The following ADAMTS5 variants were observed in gnomAD, a reference collection of about 807,000 sequenced individuals.
ADAMTS5 encodes ADAM metallopeptidase with thrombospondin type 1 motif 5.
ADAMTS5 carries 54 observed loss-of-function variants against 81.4 expected under a neutral mutation model. The observed-to-expected ratio is 0.66, with a 90% CI of 0.53 to 0.83. The LOEUF is 0.83. Among genes scored for constraint, ADAMTS5 ranks in the 40% least tolerant of loss-of-function variants. The pLI, the probability that ADAMTS5 is intolerant of heterozygous loss-of-function variation, is 0.00. For missense variants in ADAMTS5, 1,194 were observed against 1,229.9 expected, an observed-to-expected ratio of 0.97 and a Z score of 0.44; for synonymous variants, 532 against 508.8, an observed-to-expected ratio of 1.05 and a Z score of -0.61.
At chr21:26,932,466 G>A (rs1986929043) in intron 5 of ADAMTS5, among the ~76,000 whole-genome samples, 1 of 152,052 alleles carries the variant, frequency 6.6e-6, no homozygotes, top group African/African-American at 2.4e-5. Context: ...GGCCGAGGAG[G>A]GTGGATCACA....
intron 6 of ADAMTS5, among the ~76,000 whole-genome samples, chr21:26,930,748 C>T (rs1986892225): frequency 6.6e-6 from 1 of 151,880 alleles, no homozygotes; most frequent in Non-Finnish European, 1.5e-5. Context: ...TATATACACT[C>T]ATATATATAA....
intron 1 of ADAMTS5, 36 bp downstream of exon 1, chr21:26,965,252 T>C (rs1486908010): frequency 6.4e-7 from 1 of 1,574,650 alleles, no homozygotes; most frequent in Non-Finnish European, 8.6e-7. Context: ...CCTCCTGATA[T>C]CAGCGCTGGG....
intron 1 of ADAMTS5, among the ~76,000 whole-genome samples, chr21:26,956,533 G>C (rs540926058): frequency 1.3e-5 from 2 of 152,228 alleles, no homozygotes; most frequent in East Asian, 1.9e-4. Context: ...ATCAGTCTTT[G>C]AGATAATAAT....
intron 2 of ADAMTS5, among the ~76,000 whole-genome samples, chr21:26,943,887 A>G (rs13046991): frequency 0.18 from 27,768 of 152,116 alleles, 3,248 homozygotes; most frequent in Non-Finnish European, 0.25. Flanking sequence ...AGCCCTCACC[A>G]CGTATCATTT....
At position 26,929,921 on chromosome 21, in the gene ADAMTS5, G is replaced by C. The variant is rs1382422790; in HGVS notation, c.2190C>G (p.Ser730Arg). Residue 730 changes from serine (S) to arginine (R), a missense_variant, in exon 7 of 8, where the codon AGC (serine) becomes AGG (arginine). Coordinates refer to ENST00000284987, the MANE Select transcript of ADAMTS5 (RefSeq NM_007038.5). Reference sequence around the variant, plus strand: ...TAAAGGTTCCAACAATCTTTGTACAGCTGGAGTTGTCTCCTCCACATACTC... The same window carrying C: ...TAAAGGTTCCAACAATCTTTGTACACCTGGAGTTGTCTCCTCCACATACTC... ...KCGVCGGDNS[S>R]CTKIVGTFNK... 4 of 1,613,846 alleles carry C rather than the reference G, an allele frequency of 2.5e-6. No individual in the cohort carries two copies. The African/African-American group carries it at 4.0e-5, about 16-fold the overall frequency.
In ADAMTS5 at chr21:26,927,995, C is replaced by G. The variant is rs146745535; in HGVS notation, c.2225+1891G>C. On this transcript the variant is annotated intron_variant, in intron 7 of 7. Coordinates refer to ENST00000284987, the MANE Select transcript of ADAMTS5 (RefSeq NM_007038.5). ...AGTAGAAAGACTGAGTTGCCATTTACTGAGATGAGGAAAACTGAGGGAGGA... is the reference window on the plus strand; with the variant it reads ...AGTAGAAAGACTGAGTTGCCATTTAGTGAGATGAGGAAAACTGAGGGAGGA... 1.9e-3 allele frequency among the ~76,000 whole-genome samples: 291 copies of G among 152,070 alleles called. 24 individuals carry two copies. The South Asian group carries it at 0.048, about 25-fold the overall frequency.
chr21:26,923,787 G>T lies in ADAMTS5; in HGVS notation c.*266C>A. 1 of 376,196 alleles carries T rather than the reference G, an allele frequency of 2.7e-6. No individual in the cohort carries two copies. Among genetic ancestry groups the T allele is most frequent in the Non-Finnish European group, 4.8e-6 (1 of 206,910 alleles). The allele number at this position is 376,196 out of a possible 1,614,324, so 23.3% of individuals were successfully genotyped here. A position where few individuals can be genotyped will look rare whatever the true frequency, so the allele number is the denominator to read the frequency against. Reference sequence around the variant, plus strand: ...GTTCTGCCATCTTCAAATGTCCCCTGATTTTACATTCATCAGTGTTTCTTG... The same window carrying T: ...GTTCTGCCATCTTCAAATGTCCCCTTATTTTACATTCATCAGTGTTTCTTG... On this transcript the variant is annotated 3_prime_UTR_variant, in exon 8 of 8. Coordinates refer to ENST00000284987, the MANE Select transcript of ADAMTS5 (RefSeq NM_007038.5).
At position 26,924,127 on chromosome 21, in the gene ADAMTS5, G is replaced by T. The variant is rs760152877; in HGVS notation, c.2719C>A (p.Arg907=). 6 of 1,612,684 alleles carry T rather than the reference G, an allele frequency of 3.7e-6. No individual in the cohort carries two copies. Among genetic ancestry groups the T allele is most frequent in the Non-Finnish European group, 5.1e-6 (6 of 1,178,872 alleles). ...TRTVQCQDGN[R]KLAKGCPLSQ... Reference sequence around the variant, plus strand: ...AGAGGACATCCTTTTGCTAACTTCCGGTTTCCATCCTGGCACTGCACCGTT... The same window carrying T: ...AGAGGACATCCTTTTGCTAACTTCCTGTTTCCATCCTGGCACTGCACCGTT... Residue 907 remains arginine, a synonymous_variant, in exon 8 of 8, where the codon CGG becomes AGG. Coordinates refer to ENST00000284987, the MANE Select transcript of ADAMTS5 (RefSeq NM_007038.5).
At chr21:26,951,271 A>C (rs1987310774) in intron 2 of ADAMTS5, among the ~76,000 whole-genome samples, 1 of 152,162 alleles carries the variant, frequency 6.6e-6, no homozygotes, top group African/African-American at 2.4e-5. Context: ...AAGTAGAAAA[A>C]TTATGGGAAC....
intron 7 of ADAMTS5, among the ~76,000 whole-genome samples, chr21:26,929,555 T>C (rs1202376752): frequency 6.6e-6 from 1 of 152,168 alleles, no homozygotes; most frequent in Non-Finnish European, 1.5e-5. Context: ...TTCCCTAAAT[T>C]ATGTTTTAGG....
intron 1 of ADAMTS5, among the ~76,000 whole-genome samples, chr21:26,958,177 A>G (rs1017031775): frequency 1.3e-5 from 2 of 152,208 alleles, no homozygotes; most frequent in African/African-American, 4.8e-5. Context: ...TGCAGTGCAA[A>G]TACGCTGAGG....
chr21:26,941,629 G>T (rs1411329744), intron 3 of ADAMTS5, among the ~76,000 whole-genome samples: 2 of 152,064 alleles, frequency 1.3e-5, no homozygotes, highest in East Asian at 3.8e-4. Flanking sequence ...TCTCATTTTA[G>T]CCATAAGTAT....
In ADAMTS5 at chr21:26,918,364, C is replaced by G. The variant is rs229069; in HGVS notation, c.*5689G>C. The G allele has an allele frequency of 0.26, 39,117 of 152,238 alleles. 5,786 individuals are homozygous for G. The highest frequency in any genetic ancestry group is 0.34 in the Non-Finnish European group (22,756 of 67,816). 9.4% of individuals were successfully genotyped at this position (152,238 alleles called of 1,614,324 possible). A position where few individuals can be genotyped will look rare whatever the true frequency, so the allele number is the denominator to read the frequency against. ...TTCAAGGTTTAAAAATCTGTTATAC[C>G]TACTTAGGTTTATTACTTGACTTTA... On this transcript the variant is annotated 3_prime_UTR_variant, in exon 8 of 8. Coordinates refer to ENST00000284987, the MANE Select transcript of ADAMTS5 (RefSeq NM_007038.5).
chr21:26,955,986 A>G (rs1987419112), intron 1 of ADAMTS5, among the ~76,000 whole-genome samples: 1 of 152,192 alleles, frequency 6.6e-6, no homozygotes, highest in Non-Finnish European at 1.5e-5. Flanking sequence ...CAACTTCCAT[A>G]TTCTCCAGCT....
intron 6 of ADAMTS5, among the ~76,000 whole-genome samples, chr21:26,931,005 T>G (rs1986897413): frequency 6.6e-6 from 1 of 152,168 alleles, no homozygotes; most frequent in Non-Finnish European, 1.5e-5. Context: ...GACATTAGCT[T>G]GTTTTTCAAT....
At chr21:26,926,979 G>A (rs979219460) in intron 7 of ADAMTS5, among the ~76,000 whole-genome samples, 4 of 152,116 alleles carry the variant, frequency 2.6e-5, no homozygotes, top group African/African-American at 9.7e-5. Flanking sequence ...TAGTAAACCT[G>A]AGTATTAGTG....
At chr21:26,964,803 AG>A (rs1987604629) in intron 1 of ADAMTS5, among the ~76,000 whole-genome samples, 1 of 152,228 alleles carries the variant, frequency 6.6e-6, no homozygotes. Flanking sequence ...TCTAGTAAAA[AG>A]GTGTGGACAC....
At chr21:26,946,521 A>C (rs1198111112) in intron 2 of ADAMTS5, among the ~76,000 whole-genome samples, 1 of 152,150 alleles carries the variant, frequency 6.6e-6, no homozygotes. Flanking sequence ...CTTTGAAGAC[A>C]TCTGCCTTTT....
In ADAMTS5 at chr21:26,936,694, A is replaced by G. The variant is rs1001023388; in HGVS notation, c.1406-1945T>C. Among the ~76,000 whole-genome samples, 3 of 152,342 alleles carry G rather than the reference A, an allele frequency of 2.0e-5. 1 individual carries two copies. In the South Asian group the frequency reaches 6.2e-4, roughly 32 times the overall value. ...TAAGGCAAGCCAGAAAAAGCATTAA[A>G]AATAAGAATCCAGCCAAAGAGAACT... is the stretch of plus-strand genomic sequence containing the variant. On this transcript the variant is annotated intron_variant, in intron 3 of 7. Transcript: ENST00000284987.
Sources: gnomAD v4.1 joint callset for allele counts (sites outside exome capture counted in the v4.1 genomes callset) on GRCh38, gnomAD v4.1.1 for gene constraint, MANE v1.5 for transcripts, NCBI Gene and HGNC (gene_info 2026-07-23, HGNC 2026-07-21) for gene names.